Variants in PRUNE2 observed in about 807,000 individuals in gnomAD.
The protein encoded by PRUNE2 is prune homolog 2 with BCH domain.
A neutral mutation model predicts 252.0 loss-of-function variants in PRUNE2; 164 were observed. The observed-to-expected ratio is 0.65, with a 90% CI of 0.57 to 0.74. PRUNE2 has a LOEUF of 0.74. Among genes scored for constraint, PRUNE2 ranks in the 30% least tolerant of loss-of-function variants. The pLI is 0.00. For synonymous variants in PRUNE2, 1,292 were observed against 1,350.2 expected, an observed-to-expected ratio of 0.96 and a Z score of 0.94; for missense variants, 3,495 against 3,711.0, an observed-to-expected ratio of 0.94 and a Z score of 1.51.
At chr9:76,671,396 G>C (rs1003682374) in intron 9 of PRUNE2, among the ~76,000 whole-genome samples, 1 of 150,424 alleles carries the variant, frequency 6.6e-6, no homozygotes, top group Non-Finnish European at 1.5e-5. Flanking sequence ...AGAAATATGG[G>C]ACTATGTGAA....
chr9:76,685,057 T>C (rs2043933719), intron 9 of PRUNE2, among the ~76,000 whole-genome samples: 1 of 152,364 alleles, frequency 6.6e-6, no homozygotes, highest in East Asian at 1.9e-4. Flanking sequence ...CGGCCACTTC[T>C]GCCTCTTATT....
chr9:76,625,627 T>A lies in PRUNE2; in HGVS notation c.9150-1137A>T, dbSNP rs191202878. ...TATTTGCAGATTCTATATTTGTAAATTTGCCTCTTCACTAGCATGTATTTA... is the reference window on the plus strand; with the variant it reads ...TATTTGCAGATTCTATATTTGTAAAATTGCCTCTTCACTAGCATGTATTTA... On this transcript the variant is annotated intron_variant, in intron 16 of 18. Coordinates refer to ENST00000376718, the MANE Select transcript of PRUNE2 (RefSeq NM_015225.3). Among the ~76,000 whole-genome samples, 534 of 152,336 alleles carry A rather than the reference T, an allele frequency of 3.5e-3. 4 individuals carry two copies. The highest frequency in any genetic ancestry group is 8.6e-3 in the African/African-American group (356 of 41,576).
At chr9:76,668,874 C>G (rs1026314914) in intron 9 of PRUNE2, among the ~76,000 whole-genome samples, 37 of 149,854 alleles carry the variant, frequency 2.5e-4, no homozygotes, top group African/African-American at 7.8e-4. Flanking sequence ...TTTACTCGCT[C>G]ACAATTCTGG....
At chr9:76,667,197 G>T (rs777390526) in intron 9 of PRUNE2, among the ~76,000 whole-genome samples, 2 of 152,186 alleles carry the variant, frequency 1.3e-5, no homozygotes, top group South Asian at 4.1e-4. Context: ...GTCACTCTCT[G>T]GTGTGGCACA....
At chr9:76,699,677 T>C (rs1344084614) in intron 9 of PRUNE2, among the ~76,000 whole-genome samples, 2 of 152,208 alleles carry the variant, frequency 1.3e-5, no homozygotes, top group Non-Finnish European at 2.9e-5. Context: ...CATAATCGCA[T>C]GAGCCAATTC....
intron 6 of PRUNE2, among the ~76,000 whole-genome samples, chr9:76,773,572 T>C (rs915533617): frequency 2.0e-5 from 3 of 151,550 alleles, no homozygotes; most frequent in African/African-American, 7.3e-5. Flanking sequence ...GCCTCCTGAG[T>C]AGCTGGGATT....
intron 9 of PRUNE2, among the ~76,000 whole-genome samples, chr9:76,693,799 T>C (rs2045081518): frequency 6.6e-6 from 1 of 152,134 alleles, no homozygotes; most frequent in Non-Finnish European, 1.5e-5. Flanking sequence ...AAATTTTCTA[T>C]CTTTATTTAA....
chr9:76,649,835 G>A (rs1303674794), intron 11 of PRUNE2, among the ~76,000 whole-genome samples: 3 of 152,110 alleles, frequency 2.0e-5, no homozygotes, highest in African/African-American at 4.8e-5. Flanking sequence ...AAGCAAAATT[G>A]CATTGTGAGC....
chr9:76,799,092 G>A (rs1375493267), intron 6 of PRUNE2, among the ~76,000 whole-genome samples: 1 of 152,200 alleles, frequency 6.6e-6, no homozygotes, highest in Non-Finnish European at 1.5e-5. Flanking sequence ...TGTAATCCCA[G>A]CACTTTGGGA....
chr9:76,622,366 T>G (rs962801247), intron 17 of PRUNE2, among the ~76,000 whole-genome samples: 6 of 152,054 alleles, frequency 3.9e-5, no homozygotes, highest in African/African-American at 1.4e-4. Context: ...ATCATTTTAC[T>G]GTGGCAGCTA....
intron 1 of PRUNE2, among the ~76,000 whole-genome samples, chr9:76,896,842 C>T (rs2133627544): frequency 6.6e-6 from 1 of 152,230 alleles, no homozygotes; most frequent in Middle Eastern, 3.4e-3. Flanking sequence ...ACTACAAAAC[C>T]AAATAACCTT....
intron 2 of PRUNE2, among the ~76,000 whole-genome samples, chr9:76,852,262 TAAC>T (rs1200937201): frequency 6.6e-6 from 1 of 152,268 alleles, no homozygotes; most frequent in East Asian, 1.9e-4. Context: ...TAATAAGTGT[TAAC>T]AACTTATGTA....
Position 76,708,578 on chromosome 9 carries a change from G to T in PRUNE2, c.3696C>A (p.Phe1232Leu), listed in dbSNP as rs558524170. 2.3e-4 allele frequency: 371 copies of T among 1,613,920 alleles called. 4 individuals are homozygous for T. In the South Asian group the frequency reaches 3.8e-3, roughly 17 times the overall value. The part of the protein sequence containing the change: ...SVMRDKDMSS[F>L]MLPGSSHITD... The stretch of plus-strand genomic sequence containing the variant: ...TGATATGTGAGGAGCCTGGTAACAT[G>T]AATGATGACATGTCTTTATCTCTCA... The change falls in exon 8 of 19, where the codon TTC becomes TTA. Residue 1232 changes from phenylalanine to leucine, a missense_variant. Transcript: ENST00000376718.
chr9:76,729,151 A>G (rs942232423), intron 6 of PRUNE2, among the ~76,000 whole-genome samples: 7 of 152,220 alleles, frequency 4.6e-5, no homozygotes, highest in Admixed American at 6.5e-5. Context: ...AAAGTGTGGG[A>G]CAAATGAACC....
intron 6 of PRUNE2, among the ~76,000 whole-genome samples, chr9:76,726,757 T>C (rs113658977): frequency 0.019 from 2,953 of 152,318 alleles, 80 homozygotes; most frequent in African/African-American, 0.067. Context: ...TTTTTGGCCC[T>C]TGAAGTCTTC....
intron 16 of PRUNE2, among the ~76,000 whole-genome samples, chr9:76,625,588 C>T (rs901669736): frequency 6.6e-6 from 1 of 152,154 alleles, no homozygotes; most frequent in African/African-American, 2.4e-5. Flanking sequence ...TAAATATATG[C>T]AGTCAAACCT....
intron 4 of PRUNE2, among the ~76,000 whole-genome samples, chr9:76,832,979 T>G (rs1340471916): frequency 2.0e-5 from 3 of 152,014 alleles, no homozygotes; most frequent in Admixed American, 1.3e-4. Flanking sequence ...GAAAAAGAAA[T>G]AAAAAACTAG....
rs577347206 is a variant in PRUNE2, at chr9:76,838,791, G to A, written c.508+7724C>T. Among the ~76,000 whole-genome samples the A allele has an allele frequency of 5.9e-5, 9 of 152,244 alleles. No homozygotes were observed. In the South Asian group the frequency reaches 1.9e-3, roughly 32 times the overall value. The stretch of plus-strand genomic sequence containing the variant: ...AATACCAGTTAACGCTAGTTAGGGA[G>A]GGAGTGAGCAGTGGTGGGAAGGAGC... On this transcript the variant is annotated intron_variant, in intron 4 of 18. Transcript: ENST00000376718.
At chr9:76,847,499 A>C (rs2059732682) in intron 3 of PRUNE2, among the ~76,000 whole-genome samples, 1 of 152,196 alleles carries the variant, frequency 6.6e-6, no homozygotes, top group Non-Finnish European at 1.5e-5. Context: ...AGAGGTTAAG[A>C]AATTTGTGCA....
Sources: gnomAD v4.1 joint callset for allele counts (sites outside exome capture counted in the v4.1 genomes callset) on GRCh38, gnomAD v4.1.1 for gene constraint, MANE v1.5 for transcripts, NCBI Gene and HGNC (gene_info 2026-07-23, HGNC 2026-07-21) for gene names.